Variants in TPRX2 observed in about 807,000 individuals in gnomAD.
TPRX2 encodes the protein tetrapeptide repeat homeobox 2, also known as tetrapeptide repeat homeobox protein 2.
the TPRX2 span, chr19:47,860,998 G>T: frequency 5.3e-6 from 6 of 1,135,358 alleles, no homozygotes; most frequent in Non-Finnish European, 7.7e-6. Context: ...GGCCCCTGGG[G>T]AGTCCTCCCA....
chr19:47,860,513 C>T, the TPRX2 span, among the ~76,000 whole-genome samples: 7,342 of 151,642 alleles, frequency 0.048, 593 homozygotes, highest in African/African-American at 0.17. Context: ...GTGCCCGGAC[C>T]TCAGGCACCC....
the TPRX2 span, chr19:47,860,907 C>G: frequency 6.5e-7 from 1 of 1,530,812 alleles, no homozygotes; most frequent in Non-Finnish European, 8.8e-7. Context: ...CGCTGCGCCC[C>G]TAGTCCCTGT....
chr19:47,860,947 A>C, the TPRX2 span: 3 of 1,469,146 alleles, frequency 2.0e-6, no homozygotes, highest in Non-Finnish European at 2.8e-6. Context: ...GGGGGTCCTG[A>C]GTTCCCGCAG....
chr19:47,860,732 C>A, the TPRX2 span: 2 of 1,473,844 alleles, frequency 1.4e-6, no homozygotes, highest in Non-Finnish European at 1.8e-6. Flanking sequence ...CCGGCGCCGC[C>A]CCCGAGCGGC....
At chr19:47,860,771 A>T in the TPRX2 span, 1 of 1,527,590 alleles carries the variant, frequency 6.5e-7, no homozygotes, top group Non-Finnish European at 8.7e-7. Context: ...TCCCTCCTTC[A>T]CACCTTCTCC....
chr19:47,860,709 GA>G, the TPRX2 span: 606 of 1,404,386 alleles, frequency 4.3e-4, 3 homozygotes, highest in East Asian at 9.4e-3. Flanking sequence ...TGAACACCGG[GA>G]GAGTTTTGAG....
chr19:47,861,360 G>A, the TPRX2 span: 42 of 474,444 alleles, frequency 8.9e-5, no homozygotes, highest in African/African-American at 8.3e-4. Flanking sequence ...CTTGTCGCCA[G>A]ACACCCAGTT....
At chr19:47,860,354 G>C in the TPRX2 span, 1 of 769,304 alleles carries the variant, frequency 1.3e-6, no homozygotes, top group Non-Finnish European at 2.0e-6. Flanking sequence ...CACTCACCGG[G>C]GCCTGGCCCG....
the TPRX2 span, chr19:47,860,964 G>A: frequency 2.9e-6 from 4 of 1,398,304 alleles, no homozygotes; most frequent in East Asian, 2.5e-5. Context: ...GCAGGGCAGG[G>A]GTTCCTGGAT....
chr19:47,859,870 T>C, the TPRX2 span, among the ~76,000 whole-genome samples: 9 of 150,628 alleles, frequency 6.0e-5, no homozygotes, highest in Non-Finnish European at 8.9e-5. Context: ...GGCAGCCCCG[T>C]CTGCTCCGAG....
chr19:47,861,359 A>G, the TPRX2 span: 1 of 474,036 alleles, frequency 2.1e-6, no homozygotes, highest in African/African-American at 2.0e-5. Flanking sequence ...ACTTGTCGCC[A>G]GACACCCAGT....
At chr19:47,861,643 A>G in the TPRX2 span, 9 of 523,362 alleles carry the variant, frequency 1.7e-5, no homozygotes, top group Non-Finnish European at 2.6e-5. Context: ...TGCTGTCTTC[A>G]CTGTGCAGCC....
chr19:47,861,604 C>T, the TPRX2 span: 77 of 702,818 alleles, frequency 1.1e-4, no homozygotes, highest in Admixed American at 2.5e-4. Context: ...ATGCATCACC[C>T]TTTACCCACC....
the TPRX2 span, chr19:47,861,044 C>G: frequency 1.2e-6 from 1 of 835,140 alleles, no homozygotes; most frequent in Non-Finnish European, 2.0e-6. Context: ...TCCCCCGGAC[C>G]TGGGGTGGCC....
the TPRX2 span, chr19:47,860,748 C>G: frequency 2.7e-6 from 4 of 1,500,552 alleles, no homozygotes; most frequent in Non-Finnish European, 3.5e-6. Context: ...GCGGCTCACC[C>G]GGGCCGCGCG....
chr19:47,859,437 G>A, the TPRX2 span, among the ~76,000 whole-genome samples: 1 of 151,268 alleles, frequency 6.6e-6, no homozygotes, highest in South Asian at 2.1e-4. Flanking sequence ...CATGCAGCTG[G>A]GCGCAGAGTC....
the TPRX2 span, among the ~76,000 whole-genome samples, chr19:47,859,893 C>T: frequency 3.3e-5 from 5 of 150,136 alleles, no homozygotes; most frequent in Admixed American, 3.3e-4. Context: ...GAGGCGCCTA[C>T]GCTGCCTGCC....
chr19:47,860,354 G>A, the TPRX2 span: 1 of 769,304 alleles, frequency 1.3e-6, no homozygotes, highest in African/African-American at 1.9e-5. Flanking sequence ...CACTCACCGG[G>A]GCCTGGCCCG....
the TPRX2 span, chr19:47,860,730 G>T: frequency 6.8e-7 from 1 of 1,465,692 alleles, no homozygotes; most frequent in Non-Finnish European, 9.0e-7. Flanking sequence ...GGCCGGCGCC[G>T]CCCCCGAGCG....
Sources: gnomAD v4.1 joint callset for allele counts (sites outside exome capture counted in the v4.1 genomes callset) on GRCh38, gnomAD v4.1.1 for gene constraint, MANE v1.5 for transcripts, NCBI Gene and HGNC (gene_info 2026-07-23, HGNC 2026-07-21) for gene names.